The following USP48 variants were observed in gnomAD, a reference collection of about 807,000 sequenced individuals.
The protein encoded by USP48 is ubiquitin carboxyl-terminal hydrolase 48.
A neutral mutation model predicts 150.7 loss-of-function variants in USP48; 43 were observed. The ratio of observed to expected loss-of-function variants is 0.29; its 90% confidence interval spans 0.22 to 0.37. The LOEUF (loss-of-function observed/expected upper bound fraction) is 0.37. USP48 is among the 10% of genes least tolerant of loss of function. USP48 has a pLI of 1.00. For missense variants in USP48, 813 were observed against 1,249.6 expected (o/e 0.65, Z 5.27); for synonymous variants, 396 against 425.9 (o/e 0.93, Z 0.86).
At chr1:21,729,175 C>T (rs367588419) in intron 10 of USP48, among the ~76,000 whole-genome samples, 8 of 151,564 alleles carry the variant, frequency 5.3e-5, no homozygotes, top group Admixed American at 2.0e-4. Flanking sequence ...CCCAGCTACT[C>T]GGGAGGCTGA....
chr1:21,720,582 T>C (rs577753), intron 14 of USP48, among the ~76,000 whole-genome samples: 32,380 of 151,688 alleles, frequency 0.21, 4,423 homozygotes, highest in Non-Finnish European at 0.3. Flanking sequence ...AGCTGCAGTG[T>C]AGTGGCGCAA....
rs551410044 is a variant in USP48 at position 21,761,438 on chromosome 1, A to G, written c.135-3655T>C. 2.6e-5 allele frequency among the ~76,000 whole-genome samples: 4 copies of G among 151,864 alleles called. No individual in the cohort carries two copies. In the South Asian group the frequency reaches 8.3e-4, roughly 32 times the overall value. ...TGCCACCATACTTGGATAATTTTTTATTTTATTTTTTGTAAAAACAGGGTC... is the reference window on the plus strand; with the variant it reads ...TGCCACCATACTTGGATAATTTTTTGTTTTATTTTTTGTAAAAACAGGGTC... On this transcript the variant is annotated intron_variant, in intron 1 of 26. Coordinates refer to ENST00000308271, the MANE Select transcript of USP48 (RefSeq NM_032236.8).
intron 1 of USP48, among the ~76,000 whole-genome samples, chr1:21,763,238 A>G (rs1331141386): frequency 1.3e-5 from 2 of 152,232 alleles, no homozygotes; most frequent in African/African-American, 2.4e-5. Flanking sequence ...CTTGCTAGGT[A>G]TCACTGAATA....
intron 10 of USP48, 85 bp from the exon 11 acceptor site, chr1:21,728,804 A>G (rs2097747168): frequency 1.4e-6 from 2 of 1,457,912 alleles, no homozygotes; most frequent in Admixed American, 2.2e-5. Flanking sequence ...CATATCAAAT[A>G]CTGATTAAAA....
chr1:21,708,999 T>C (rs1298392757), intron 15 of USP48, among the ~76,000 whole-genome samples: 1 of 150,668 alleles, frequency 6.6e-6, no homozygotes, highest in East Asian at 2.0e-4. Context: ...AGCCTCGACC[T>C]CCTGGGCTCA....
At chr1:21,735,819 TAG>T (rs1480382261) in intron 9 of USP48, among the ~76,000 whole-genome samples, 3 of 145,396 alleles carry the variant, frequency 2.1e-5, no homozygotes, top group Non-Finnish European at 4.5e-5. Context: ...ACTTGAAAGG[TAG>T]AGTTTACAGT....
At chr1:21,680,923 T>A in intron 25 of USP48, 89 bp from the exon 26 acceptor site, 1 of 1,025,396 alleles carries the variant, frequency 9.8e-7, no homozygotes, top group African/African-American at 1.7e-5. Flanking sequence ...GACAAAAGTT[T>A]AAAATAACTT....
At chr1:21,782,761 C>T (rs1296409808) in intron 1 of USP48, 63 bp downstream of exon 1, 8 of 1,475,576 alleles carry the variant, frequency 5.4e-6, no homozygotes, top group Middle Eastern at 2.3e-4. Flanking sequence ...CTTTCCCCTA[C>T]CCCGCCCGGG....
chr1:21,715,428 CCTCTT>C lies in USP48; in HGVS notation c.1919_1923del (p.Glu640GlyfsTer6), dbSNP rs2097701606. 1 of 1,588,874 alleles carries C rather than the reference CCTCTT, an allele frequency of 6.3e-7. No individual in the cohort carries two copies. Among genetic ancestry groups the C allele is most frequent in the Non-Finnish European group, 8.6e-7 (1 of 1,158,574 alleles). ...ATATCTTCATTAAAATTTAATTCCT[CCTCTT>C]CTTTTCTTTCTTCCTTTGATTCATC... On this transcript the variant is annotated frameshift_variant, in exon 15 of 27. Transcript: ENST00000308271. LOFTEE classifies it high-confidence loss of function.
At chr1:21,733,061 A>G (rs1462993654) in intron 9 of USP48, among the ~76,000 whole-genome samples, 1 of 152,218 alleles carries the variant, frequency 6.6e-6, no homozygotes, top group Non-Finnish European at 1.5e-5. Context: ...GTACTGTCAC[A>G]GGGAATTAAA....
chr1:21,706,301 A>C, intron 17 of USP48, 114 bp from the exon 18 acceptor site: 3 of 1,481,514 alleles, frequency 2.0e-6, no homozygotes, highest in Non-Finnish European at 2.8e-6. Context: ...AAATGAAAAC[A>C]CAGTCCTCTA....
intron 1 of USP48, among the ~76,000 whole-genome samples, chr1:21,776,632 A>G (rs1307196895): frequency 6.9e-6 from 1 of 144,256 alleles, no homozygotes; most frequent in African/African-American, 2.5e-5. Context: ...GAAAGTGAGT[A>G]GAAAGAGAGC....
chr1:21,699,192 ATTTTTTTTTTTTTT>A (rs71016932), intron 22 of USP48, among the ~76,000 whole-genome samples: 1 of 63,612 alleles, frequency 1.6e-5, no homozygotes, highest in African/African-American at 5.8e-5. Context: ...ACCACACCTA[ATTTTTTTTTTTTTT>A]TTTTTTTTTT....
chr1:21,695,170 A>G lies in USP48; in HGVS notation c.2779T>C (p.Tyr927His). The change falls in exon 23 of 27, where the codon TAT becomes CAT. Residue 927 changes from tyrosine to histidine, a missense_variant. Coordinates refer to ENST00000308271, the MANE Select transcript of USP48 (RefSeq NM_032236.8). ...QKISHQNYIA[Y>H]QKQVIRRSMR... ...CTTCGGCGAATAACTTGCTTTTGAT[A>G]GGCTATATAATTTTGATGGGATATC... 4 of 1,613,412 alleles carry G rather than the reference A, an allele frequency of 2.5e-6. No individual in the cohort carries two copies. Among genetic ancestry groups the G allele is most frequent in the Non-Finnish European group, 3.4e-6 (4 of 1,179,808 alleles).
At chr1:21,751,427 T>A (rs749824897) in intron 6 of USP48, 80 bp downstream of exon 6, 18 of 1,089,360 alleles carry the variant, frequency 1.7e-5, no homozygotes, top group Non-Finnish European at 2.2e-5. Context: ...CTCTAGCCAC[T>A]AAATCAAAAC....
At chr1:21,780,299 C>T (rs977123929) in intron 1 of USP48, among the ~76,000 whole-genome samples, 1 of 152,120 alleles carries the variant, frequency 6.6e-6, no homozygotes, top group Non-Finnish European at 1.5e-5. Context: ...AAACCAGACA[C>T]AAATGGCCAC....
intron 1 of USP48, among the ~76,000 whole-genome samples, chr1:21,779,480 A>C (rs1204961940): frequency 6.6e-6 from 1 of 152,002 alleles, no homozygotes; most frequent in South Asian, 2.1e-4. Context: ...TAGGAGGCAG[A>C]GGTTGCAGTG....
intron 3 of USP48, among the ~76,000 whole-genome samples, chr1:21,754,458 C>G (rs981238747): frequency 7.9e-5 from 12 of 152,126 alleles, no homozygotes; most frequent in African/African-American, 2.9e-4. Flanking sequence ...ATTGAGAGCC[C>G]AGAAGACAGA....
At chr1:21,736,962 G>A (rs1275007881) in intron 8 of USP48, among the ~76,000 whole-genome samples, 2 of 152,154 alleles carry the variant, frequency 1.3e-5, no homozygotes, top group South Asian at 2.1e-4. Context: ...CGCTTCCCAA[G>A]AATCGGCTGT....
Sources: allele counts gnomAD v4.1 joint callset (sites outside exome capture counted in the v4.1 genomes callset), GRCh38; gene constraint gnomAD v4.1.1; transcripts MANE v1.5; gene names NCBI Gene and HGNC (gene_info 2026-07-23, HGNC 2026-07-21).